TDRD9: variants seen among roughly 807,000 people sequenced by gnomAD.
TDRD9 encodes the protein ATP-dependent RNA helicase TDRD9.
TDRD9 carries 124 observed loss-of-function variants against 172.6 expected under a neutral mutation model. That is an observed-to-expected ratio of 0.72 (90% CI 0.62 to 0.83). The LOEUF (loss-of-function observed/expected upper bound fraction) is 0.83, where lower values mean the gene tolerates loss of function less well. Ranked by LOEUF, TDRD9 falls within the 40% of genes least tolerant of loss-of-function variation. The probability of loss-of-function intolerance (pLI) is 0.00; values close to 1 mark genes in which losing one functional copy is unlikely to be tolerated. For missense variants in TDRD9, 1,479 were observed against 1,714.1 expected, an observed-to-expected ratio of 0.86 and a Z score of 2.42; for synonymous variants, 619 against 617.1, an observed-to-expected ratio of 1.00 and a Z score of -0.05.
chr14:104,004,804 C>T (rs138042330), intron 14 of TDRD9, among the ~76,000 whole-genome samples: 35 of 152,214 alleles, frequency 2.3e-4, no homozygotes, highest in Middle Eastern at 3.4e-3. Context: ...CTGTCTAGGG[C>T]GTTACCCACA....
At chr14:103,995,172 T>C (rs2034013586) in intron 11 of TDRD9, among the ~76,000 whole-genome samples, 1 of 152,342 alleles carries the variant, frequency 6.6e-6, no homozygotes, top group East Asian at 1.9e-4. Context: ...ACTTTGGGAC[T>C]GTTCTCGTGT....
intron 15 of TDRD9, among the ~76,000 whole-genome samples, chr14:104,006,120 G>A (rs1013887715): frequency 6.6e-6 from 1 of 152,106 alleles, no homozygotes; most frequent in African/African-American, 2.4e-5. Context: ...TGCCATATTT[G>A]TTCAAGAGTG....
intron 9 of TDRD9, among the ~76,000 whole-genome samples, chr14:103,992,497 T>C (rs956165448): frequency 2.0e-5 from 3 of 152,214 alleles, no homozygotes; most frequent in African/African-American, 7.2e-5. Flanking sequence ...GACTTCTGTG[T>C]GCATCATATT....
chr14:103,994,532 C>A lies in TDRD9; in HGVS notation c.1249C>A (p.Pro417Thr). The A allele has an allele frequency of 3.7e-6, 6 of 1,613,780 alleles. No individual in the cohort carries two copies. The highest frequency in any genetic ancestry group is 5.1e-6 in the Non-Finnish European group (6 of 1,179,780). The change falls in exon 11 of 36, where the codon CCA becomes ACA. Residue 417 changes from proline to threonine, a missense_variant. Around this residue, in one of 3 missense-constraint regions of TDRD9, gnomAD observed 1,413 missense variants for 1,649.1 expected, o/e 0.86. Coordinates refer to ENST00000409874, the MANE Select transcript of TDRD9 (RefSeq NM_153046.3). ...SLVHKRLQVYPLHSSVALEEQ... is the reference protein window; with the variant it reads ...SLVHKRLQVYTLHSSVALEEQ... ...GTAATTTCTTAGGTTGCAGGTCTATCCACTCCATTCAAGTGTGGCTTTAGA... is the reference window on the plus strand; with the variant it reads ...GTAATTTCTTAGGTTGCAGGTCTATACACTCCATTCAAGTGTGGCTTTAGA...
chr14:104,020,280 T>C (rs1183897633), intron 23 of TDRD9, among the ~76,000 whole-genome samples: 1 of 152,106 alleles, frequency 6.6e-6, no homozygotes, highest in Non-Finnish European at 1.5e-5. Context: ...CTGGAGTCTT[T>C]GCAGTAGTCC....
chr14:103,981,985 G>A (rs1483386138), intron 7 of TDRD9, among the ~76,000 whole-genome samples: 1 of 152,072 alleles, frequency 6.6e-6, no homozygotes, highest in Admixed American at 6.5e-5. Context: ...CTCTTGTCAT[G>A]TTACCTCACC....
intron 20 of TDRD9, among the ~76,000 whole-genome samples, chr14:104,009,204 C>T (rs2034535320): frequency 6.6e-6 from 1 of 152,150 alleles, no homozygotes; most frequent in African/African-American, 2.4e-5. Flanking sequence ...CTAAACATAA[C>T]TAAACATAGA....
intron 6 of TDRD9, among the ~76,000 whole-genome samples, chr14:103,972,860 T>C (rs2033091557): frequency 6.6e-6 from 1 of 152,236 alleles, no homozygotes; most frequent in African/African-American, 2.4e-5. Flanking sequence ...TTGCTTGAGG[T>C]GACTATGAAA....
At chr14:103,943,837 C>T (rs932119375) in intron 1 of TDRD9, among the ~76,000 whole-genome samples, 1 of 152,160 alleles carries the variant, frequency 6.6e-6, no homozygotes, top group African/African-American at 2.4e-5. Context: ...ACTTGCATGT[C>T]ATGCATGACC....
chr14:104,031,337 C>A, intron 29 of TDRD9, 74 bp downstream of exon 29: 2 of 1,331,286 alleles, frequency 1.5e-6, no homozygotes, highest in Non-Finnish European at 1.0e-6. Context: ...GAGTTGTAGT[C>A]AGTAGTCATG....
At chr14:104,041,481 A>G (rs2035609808) in intron 33 of TDRD9, among the ~76,000 whole-genome samples, 1 of 152,244 alleles carries the variant, frequency 6.6e-6, no homozygotes, top group African/African-American at 2.4e-5. Context: ...TACATATCTG[A>G]TGAAGGACTT....
intron 9 of TDRD9, among the ~76,000 whole-genome samples, chr14:103,993,110 C>G (rs1310594719): frequency 1.3e-5 from 2 of 150,562 alleles, no homozygotes; most frequent in Non-Finnish European, 2.9e-5. Context: ...GCTGGGACTG[C>G]AGGCATGCAC....
intron 1 of TDRD9, among the ~76,000 whole-genome samples, chr14:103,934,635 G>A (rs529002376): frequency 2.6e-5 from 4 of 152,276 alleles, no homozygotes; most frequent in African/African-American, 4.8e-5. Flanking sequence ...AAAATTAGCC[G>A]GGCGTGGTGG....
At chr14:103,956,079 TAAAAAAAAAAAAAAAAAAAAAA>T (rs60712068) in intron 2 of TDRD9, among the ~76,000 whole-genome samples, 1 of 25,192 alleles carries the variant, frequency 4.0e-5, no homozygotes, top group African/African-American at 2.3e-4. Flanking sequence ...ACCCTCTCTT[TAAAAAAAAAAAAAAAAAAAAAA>T]AAAAAAAAAA....
chr14:104,009,903 C>T (rs2152223645), intron 20 of TDRD9, among the ~76,000 whole-genome samples: 1 of 151,452 alleles, frequency 6.6e-6, no homozygotes, highest in African/African-American at 2.4e-5. Context: ...GTAGCTGGAA[C>T]TACAGGCATA....
chr14:103,975,702 T>C (rs1395989429), intron 7 of TDRD9, 149 bp downstream of exon 7: 2 of 793,772 alleles, frequency 2.5e-6, no homozygotes, highest in Admixed American at 3.3e-5. Flanking sequence ...TGGAGTATAG[T>C]GTGGTATTTT....
At chr14:103,992,852 G>A (rs2033919150) in intron 9 of TDRD9, among the ~76,000 whole-genome samples, 2 of 149,734 alleles carry the variant, frequency 1.3e-5, no homozygotes, top group Admixed American at 6.7e-5. Context: ...ATGAACCTGG[G>A]AGGCGGAGCT....
rs1286876721 is a variant in TDRD9 at position 104,031,996 on chromosome 14, TC to T, written c.3439-19del. ...TGTTATCTTGCTTATTGGTAACACT[TC>T]CTATATTTTGTGCACGCAGGCAGAA... On this transcript the variant is annotated intron_variant, in intron 29 of 35. Transcript: ENST00000409874. The T allele has an allele frequency of 9.8e-6, 15 of 1,523,174 alleles. No homozygotes were observed. In the Middle Eastern group the frequency reaches 1.7e-3, roughly 172 times the overall value. The allele number at this position is 1,523,174 out of a possible 1,614,324, so 94.4% of individuals were successfully genotyped here. A position where few individuals can be genotyped will look rare whatever the true frequency, so the allele number is the denominator to read the frequency against.
rs1474906114 is a variant in TDRD9, at chr14:104,006,864, A to G, written c.2007+19A>G. On this transcript the variant is annotated intron_variant, in intron 18 of 35. Transcript: ENST00000409874. ...ATTTAAAGTAAGTTTTCTGTTGTGTAAACCATGAAAGCAGCTACCACAGAT... is the reference window on the plus strand; with the variant it reads ...ATTTAAAGTAAGTTTTCTGTTGTGTGAACCATGAAAGCAGCTACCACAGAT... The G allele has an allele frequency of 6.9e-6, 11 of 1,600,884 alleles. No homozygotes were observed. The highest frequency in any genetic ancestry group is 1.3e-5 in the African/African-American group (1 of 74,890).
Sources: gnomAD v4.1 joint callset for allele counts (sites outside exome capture counted in the v4.1 genomes callset) on GRCh38, gnomAD v4.1.1 for gene constraint, gnomAD v4.1.1 regional missense constraint, MANE v1.5 for transcripts, NCBI Gene and HGNC (gene_info 2026-07-23, HGNC 2026-07-21) for gene names.